The following FAM184A variants were observed in gnomAD, a reference collection of about 807,000 sequenced individuals.
FAM184A encodes the protein protein FAM184A.
In FAM184A, 99 loss-of-function variants were observed where a neutral mutation model predicts 143.8. The ratio of observed to expected loss-of-function variants is 0.69; its 90% CI spans 0.58 to 0.81. The LOEUF is 0.81. Among genes scored for constraint, FAM184A ranks in the 40% least tolerant of loss-of-function variants. The pLI is 0.00. For synonymous variants in FAM184A, 427 were observed against 446.4 expected (o/e 0.96, Z 0.55); for missense variants, 1,217 against 1,310.5 (o/e 0.93, Z 1.10).
At chr6:119,040,246 T>C (rs758119551) in intron 1 of FAM184A, among the ~76,000 whole-genome samples, 1 of 152,350 alleles carries the variant, frequency 6.6e-6, no homozygotes, top group Middle Eastern at 3.4e-3. Context: ...TGGACCCGTA[T>C]GGATTTGCCG....
intron 14 of FAM184A, among the ~76,000 whole-genome samples, chr6:118,973,624 AACT>A (rs1325496271): frequency 6.6e-6 from 1 of 152,166 alleles, no homozygotes; most frequent in African/African-American, 2.4e-5. Flanking sequence ...AAGGTGAATA[AACT>A]ACTAGCAGCA....
chr6:119,078,215 G>C lies in FAM184A; in HGVS notation c.85C>G (p.Leu29Val). The part of the protein sequence containing the change: ...KFAPSPATAQ[L>V]AGHSMDYSQE... ...CTGTAGTCCATGCTGTGCCCAGCCAGCTGTGCGGTGGCCGGCGAGGGCGCG... is the reference window on the plus strand; with the variant it reads ...CTGTAGTCCATGCTGTGCCCAGCCACCTGTGCGGTGGCCGGCGAGGGCGCG... Residue 29 changes from leucine to valine, a missense_variant, in exon 1 of 18, where the codon CTG (leucine) becomes GTG (valine). Physicochemically the swap from Leu to Val is conservative, Grantham distance 32. Transcript: ENST00000338891. The surrounding 1 kb of genome is among the most constrained non-coding windows in gnomAD (Gnocchi z 5.5). The C allele has an allele frequency of 6.4e-7, 1 of 1,560,492 alleles. No individual in the cohort carries two copies. Among genetic ancestry groups the C allele is most frequent in the Non-Finnish European group, 8.6e-7 (1 of 1,156,420 alleles).
intron 1 of FAM184A, among the ~76,000 whole-genome samples, chr6:119,093,646 G>A (rs751618931): frequency 2.0e-4 from 31 of 152,232 alleles, no homozygotes; most frequent in South Asian, 8.3e-4. Context: ...CAAGGAGGAC[G>A]AGTAACATCT....
In FAM184A at chr6:119,102,898, A is replaced by G. The variant is rs906576065; in HGVS notation, c.-202+46180T>C. 3.7e-4 allele frequency among the ~76,000 whole-genome samples: 57 copies of G among 152,080 alleles called. 3 individuals carry two copies. Among genetic ancestry groups the G allele is most frequent in the Non-Finnish European group, 2.9e-5 (2 of 68,018 alleles). On this transcript the variant is annotated intron_variant, in intron 1 of 16. Transcript: ENST00000352896. ...TAGGACAGACCTGCCAGGAAATGCT[A>G]CAAAGAGCATATAGTAGGCCTTGGT...
intron 11 of FAM184A, among the ~76,000 whole-genome samples, chr6:118,977,642 T>G (rs959289894): frequency 6.6e-6 from 1 of 152,186 alleles, no homozygotes; most frequent in East Asian, 1.9e-4. Context: ...ATTCTTAACC[T>G]GACAAAATCA....
At chr6:118,996,024 C>T (rs912236897) in intron 9 of FAM184A, among the ~76,000 whole-genome samples, 1 of 152,150 alleles carries the variant, frequency 6.6e-6, no homozygotes, top group African/African-American at 2.4e-5. Flanking sequence ...AAGCTAGGTA[C>T]AGATTTCATA....
intron 1 of FAM184A, among the ~76,000 whole-genome samples, chr6:119,109,126 T>TAGTTCTCCC (rs56799782): frequency 0.63 from 95,326 of 150,850 alleles, 30,832 homozygotes; most frequent in East Asian, 0.96. Context: ...CTTGGTCTTA[T>TAGTTCTCCC]TGTTTTCTCA....
chr6:118,986,546 G>C (rs2114599129), intron 9 of FAM184A, among the ~76,000 whole-genome samples: 1 of 152,208 alleles, frequency 6.6e-6, no homozygotes, highest in South Asian at 2.1e-4. Context: ...AGAGTAAAAA[G>C]GTGATCCTCA....
At chr6:119,102,554 G>T (rs867295628) in intron 1 of FAM184A, among the ~76,000 whole-genome samples, 6 of 151,912 alleles carry the variant, frequency 3.9e-5, no homozygotes, top group Non-Finnish European at 8.8e-5. Flanking sequence ...TTGGAAGGCC[G>T]AGGTAGGTAG....
chr6:119,027,523 G>A (rs1296965375), intron 1 of FAM184A, among the ~76,000 whole-genome samples: 2 of 152,054 alleles, frequency 1.3e-5, no homozygotes, highest in Non-Finnish European at 2.9e-5. Context: ...CTCCTTTTAG[G>A]GACCTGCAAA....
At chr6:119,145,830 G>A (rs999530256) in intron 1 of FAM184A, among the ~76,000 whole-genome samples, 2 of 152,166 alleles carry the variant, frequency 1.3e-5, no homozygotes, top group African/African-American at 4.8e-5. Context: ...TAAATCTTTA[G>A]GTATCATCTC....
intron 1 of FAM184A, among the ~76,000 whole-genome samples, chr6:119,147,563 T>C (rs1476882465): frequency 6.6e-6 from 1 of 152,180 alleles, no homozygotes; most frequent in African/African-American, 2.4e-5. Flanking sequence ...TGACCCACTC[T>C]CTGTACCAGA....
intron 5 of FAM184A, among the ~76,000 whole-genome samples, chr6:119,013,865 C>T (rs968718731): frequency 6.6e-6 from 1 of 152,160 alleles, no homozygotes; most frequent in Non-Finnish European, 1.5e-5. Flanking sequence ...ACGAAATCAT[C>T]GAGGTTTATT....
chr6:118,984,517 T>C (rs1292357618), intron 9 of FAM184A, among the ~76,000 whole-genome samples: 4 of 129,670 alleles, frequency 3.1e-5, no homozygotes, highest in Non-Finnish European at 6.7e-5. Flanking sequence ...TCTGTACCTC[T>C]ATAATGGTGT....
chr6:118,974,282 G>T (rs1783779671), intron 14 of FAM184A, 146 bp downstream of exon 14: 1 of 621,500 alleles, frequency 1.6e-6, no homozygotes, highest in Non-Finnish European at 2.7e-6. Flanking sequence ...ATATAGCACT[G>T]CAATTACCAT....
At chr6:119,105,123 G>A (rs111983809) in intron 1 of FAM184A, among the ~76,000 whole-genome samples, 15 of 152,252 alleles carry the variant, frequency 9.9e-5, no homozygotes, top group South Asian at 2.1e-4. Context: ...AGGATAGTAG[G>A]TAAAAATTTA....
At chr6:119,013,995 CCA>C (rs758953400) in intron 5 of FAM184A, among the ~76,000 whole-genome samples, 1 of 152,186 alleles carries the variant, frequency 6.6e-6, no homozygotes, top group Non-Finnish European at 1.5e-5. Context: ...TATATAACAA[CCA>C]TCATTACTAA....
chr6:119,021,198 T>C (rs138489773), intron 3 of FAM184A, among the ~76,000 whole-genome samples: 7 of 152,264 alleles, frequency 4.6e-5, no homozygotes, highest in Non-Finnish European at 1.0e-4. Flanking sequence ...CTAAAGGCTA[T>C]TAAAAACAAC....
At position 119,120,142 on chromosome 6, in the gene FAM184A, G is replaced by A. The variant is rs537666554; in HGVS notation, c.-202+28936C>T. On this transcript the variant is annotated intron_variant, in intron 1 of 16. Transcript: ENST00000352896. Reference sequence around the variant, plus strand: ...TTAGAAGGTTGCATCACTGCAAAAAGAAACCCTGCACCCATTTGCTGTTAC... The same window carrying A: ...TTAGAAGGTTGCATCACTGCAAAAAAAAACCCTGCACCCATTTGCTGTTAC... Among the ~76,000 whole-genome samples the A allele has an allele frequency of 2.7e-4, 41 of 152,318 alleles. No homozygotes were observed. The East Asian group carries it at 7.3e-3, about 27-fold the overall frequency.
Sources: allele counts gnomAD v4.1 joint callset (sites outside exome capture counted in the v4.1 genomes callset), GRCh38; gene constraint gnomAD v4.1.1; non-coding constraint Gnocchi (gnomAD v3.1); transcripts MANE v1.5; gene names NCBI Gene and HGNC (gene_info 2026-07-23, HGNC 2026-07-21).